CHSY3: variants seen among roughly 807,000 people sequenced by gnomAD.
CHSY3 encodes N-acetylgalactosaminyl-proteoglycan 3-beta-glucuronosyltransferase 3.
A neutral mutation model predicts 67.2 loss-of-function variants in CHSY3; 35 were observed. The observed-to-expected ratio is 0.52, with a 90% CI of 0.40 to 0.69. The LOEUF (loss-of-function observed/expected upper bound fraction) is 0.69, where lower values mean the gene tolerates loss of function less well. CHSY3 is among the 30% of genes least tolerant of loss of function. CHSY3 has a pLI of 0.00. For synonymous variants in CHSY3, 474 were observed against 434.7 expected, an observed-to-expected ratio of 1.09 and a Z score of -1.12; for missense variants, 1,069 against 1,138.5, an observed-to-expected ratio of 0.94 and a Z score of 0.88.
intron 2 of CHSY3, among the ~76,000 whole-genome samples, chr5:130,181,306 T>C (rs2051803): frequency 0.022 from 3,329 of 152,338 alleles, 41 homozygotes; most frequent in Middle Eastern, 0.031. Flanking sequence ...TTTACACATA[T>C]TTTTCTTAGA....
intron 2 of CHSY3, among the ~76,000 whole-genome samples, chr5:130,158,121 G>T (rs1387236397): frequency 6.6e-6 from 1 of 152,188 alleles, no homozygotes; most frequent in Non-Finnish European, 1.5e-5. Context: ...TATCAGCAAG[G>T]TCTTTGTTAC....
chr5:130,041,003 A>T (rs1209359887), intron 2 of CHSY3, among the ~76,000 whole-genome samples: 2 of 152,116 alleles, frequency 1.3e-5, no homozygotes, highest in African/African-American at 4.8e-5. Context: ...AATAACAAGG[A>T]TCCTACTTGT....
intron 2 of CHSY3, among the ~76,000 whole-genome samples, chr5:130,091,145 C>T (rs940160616): frequency 4.5e-5 from 3 of 66,252 alleles, no homozygotes; most frequent in South Asian, 1.2e-3. Flanking sequence ...CGCACACGCG[C>T]GCACACACAC....
chr5:130,108,947 C>G (rs1487128230), intron 2 of CHSY3, among the ~76,000 whole-genome samples: 1 of 151,474 alleles, frequency 6.6e-6, no homozygotes, highest in African/African-American at 2.4e-5. Context: ...TGAAAATGGA[C>G]CAAAATAGTC....
intron 2 of CHSY3, among the ~76,000 whole-genome samples, chr5:130,150,561 C>T (rs531895955): frequency 6.6e-6 from 1 of 152,168 alleles, no homozygotes; most frequent in Admixed American, 6.5e-5. Flanking sequence ...AACATGAACA[C>T]ATTTGAATAT....
At chr5:129,934,958 A>T (rs1761438772) in intron 2 of CHSY3, among the ~76,000 whole-genome samples, 2 of 152,200 alleles carry the variant, frequency 1.3e-5, no homozygotes, top group African/African-American at 4.8e-5. Context: ...CTCTACACTC[A>T]CATTAAATGA....
At chr5:129,954,881 T>C (rs529383444) in intron 2 of CHSY3, among the ~76,000 whole-genome samples, 1 of 152,006 alleles carries the variant, frequency 6.6e-6, no homozygotes, top group African/African-American at 2.4e-5. Context: ...ATATATATAT[T>C]TTTTTGAGAT....
chr5:129,937,439 A>C (rs943303903), intron 2 of CHSY3, among the ~76,000 whole-genome samples: 1 of 152,182 alleles, frequency 6.6e-6, no homozygotes, highest in Non-Finnish European at 1.5e-5. Context: ...ATTCAACATG[A>C]GATATGGGTA....
At chr5:129,995,919 A>G (rs371686356) in intron 2 of CHSY3, among the ~76,000 whole-genome samples, 2 of 150,334 alleles carry the variant, frequency 1.3e-5, no homozygotes, top group East Asian at 3.9e-4. Flanking sequence ...TACCATTTCC[A>G]TCTCCCATTT....
intron 2 of CHSY3, among the ~76,000 whole-genome samples, chr5:130,090,062 C>T (rs59090746): frequency 0.13 from 20,081 of 152,090 alleles, 1,958 homozygotes; most frequent in African/African-American, 0.27. Context: ...ATAGTTCCCG[C>T]GGCTTGCCTT....
At chr5:130,009,887 A>G (rs1206496054) in intron 2 of CHSY3, among the ~76,000 whole-genome samples, 1 of 152,228 alleles carries the variant, frequency 6.6e-6, no homozygotes, top group African/African-American at 2.4e-5. Context: ...AAGAAGCACA[A>G]AGAGGGTTAT....
At chr5:129,983,975 A>G (rs1763098314) in intron 2 of CHSY3, among the ~76,000 whole-genome samples, 1 of 152,154 alleles carries the variant, frequency 6.6e-6, no homozygotes, top group South Asian at 2.1e-4. Flanking sequence ...ATTGTAGGAA[A>G]CAAGGAGTGT....
intron 2 of CHSY3, among the ~76,000 whole-genome samples, chr5:130,024,634 G>A (rs1381334379): frequency 3.3e-5 from 5 of 152,056 alleles, no homozygotes; most frequent in Non-Finnish European, 7.4e-5. Flanking sequence ...TTGACAATAT[G>A]GAGAGTTAAT....
intron 2 of CHSY3, among the ~76,000 whole-genome samples, chr5:129,992,855 T>A (rs545778760): frequency 6.6e-6 from 1 of 152,346 alleles, no homozygotes; most frequent in Admixed American, 6.5e-5. Context: ...CATGCCATGT[T>A]ATGTCAAGTT....
At chr5:129,987,399 A>T (rs1374660692) in intron 2 of CHSY3, among the ~76,000 whole-genome samples, 1 of 152,242 alleles carries the variant, frequency 6.6e-6, no homozygotes, top group African/African-American at 2.4e-5. Flanking sequence ...CAAAATGTTT[A>T]TTATGACAGA....
At chr5:130,100,945 T>G (rs1767222601) in intron 2 of CHSY3, among the ~76,000 whole-genome samples, 1 of 152,196 alleles carries the variant, frequency 6.6e-6, no homozygotes, top group African/African-American at 2.4e-5. Flanking sequence ...CCTTGAAATA[T>G]AAATGTTTCA....
intron 2 of CHSY3, among the ~76,000 whole-genome samples, chr5:130,041,522 G>A (rs1242363263): frequency 1.3e-5 from 2 of 152,074 alleles, no homozygotes; most frequent in African/African-American, 4.8e-5. Context: ...ACGTTACTTA[G>A]GTTACTTAGC....
intron 2 of CHSY3, among the ~76,000 whole-genome samples, chr5:130,017,697 T>C (rs1299731038): frequency 2.0e-5 from 3 of 152,134 alleles, no homozygotes; most frequent in African/African-American, 7.2e-5. Flanking sequence ...CAGTTGAATA[T>C]TAACATACTG....
intron 2 of CHSY3, among the ~76,000 whole-genome samples, chr5:130,072,192 A>C (rs568828031): frequency 6.6e-6 from 1 of 151,982 alleles, no homozygotes; most frequent in Non-Finnish European, 1.5e-5. Flanking sequence ...GAAGCTTTTT[A>C]GTTTCATGCA....
Sources: gnomAD v4.1 joint callset for allele counts (sites outside exome capture counted in the v4.1 genomes callset) on GRCh38, gnomAD v4.1.1 for gene constraint, MANE v1.5 for transcripts, NCBI Gene and HGNC (gene_info 2026-07-23, HGNC 2026-07-21) for gene names.